Variants in VPS13B observed in about 807,000 individuals in gnomAD.
The protein encoded by VPS13B is intermembrane lipid transfer protein VPS13B.
VPS13B carries 285 observed loss-of-function variants against 426.4 expected under a neutral mutation model. That is an observed-to-expected ratio of 0.67 (90% CI 0.61 to 0.74). VPS13B has a LOEUF of 0.74. Among genes scored for constraint, VPS13B ranks in the 30% least tolerant of loss-of-function variants. The probability of loss-of-function intolerance (pLI) is 0.00; values close to 1 mark genes in which losing one functional copy is unlikely to be tolerated. For missense variants in VPS13B, 4,537 were observed against 4,782.6 expected, an observed-to-expected ratio of 0.95 and a Z score of 1.51; for synonymous variants, 1,676 against 1,676.4, an observed-to-expected ratio of 1.00 and a Z score of 0.01.
At chr8:99,809,305 G>A (rs2130785360) in intron 43 of VPS13B, 70 bp from the exon 44 acceptor site, 15 of 1,596,112 alleles carry the variant, frequency 9.4e-6, no homozygotes, top group Non-Finnish European at 1.3e-5. Context: ...CCAGCAATGA[G>A]ACTTTCATTT....
At chr8:99,595,643 G>T (rs1826970463) in intron 33 of VPS13B, among the ~76,000 whole-genome samples, 1 of 151,810 alleles carries the variant, frequency 6.6e-6, no homozygotes, top group Admixed American at 6.6e-5. Flanking sequence ...AAACCCTGAA[G>T]CTTTTATGCT....
intron 33 of VPS13B, among the ~76,000 whole-genome samples, chr8:99,602,404 TGTA>T (rs1200071619): frequency 6.6e-6 from 1 of 152,192 alleles, no homozygotes; most frequent in Non-Finnish European, 1.5e-5. Context: ...ACTGTAGCCT[TGTA>T]GTACAGTTTG....
In VPS13B at chr8:99,699,611, A is replaced by T. The variant is rs1486090891; in HGVS notation, c.6133A>T (p.Ile2045Leu). 6.2e-7 allele frequency: 1 copy of T among 1,614,032 alleles called. No individual in the cohort carries two copies. Among genetic ancestry groups the T allele is most frequent in the Non-Finnish European group, 8.5e-7 (1 of 1,180,016 alleles). The change falls in exon 36 of 62, where the codon ATA becomes TTA. Residue 2045 changes from isoleucine (I) to leucine (L), a missense_variant. Ile to Leu is a conservative substitution (Grantham distance 5). This residue lies in a region of VPS13B where 4,311 missense variants were observed against 4,474.3 expected (regional missense o/e 0.96). Coordinates refer to ENST00000357162, the MANE Select transcript of VPS13B (RefSeq NM_152564.5). Reference protein sequence around the residue: ...LDQINLFLKKIKNAHSLAHSE... With the variant: ...LDQINLFLKKLKNAHSLAHSE... ...TCAGATAAACCTTTTTTTAAAGAAG[A>T]TAAAAAATGCACACAGTTTGGCACA...
chr8:99,340,930 G>A (rs1311164936), intron 19 of VPS13B: 1 of 285,266 alleles, frequency 3.5e-6, no homozygotes, highest in Admixed American at 3.9e-5. Flanking sequence ...TTCAACAAAG[G>A]TGGGCTGGGA....
chr8:99,018,529 A>G (rs1334002252), intron 2 of VPS13B, among the ~76,000 whole-genome samples: 4 of 152,212 alleles, frequency 2.6e-5, no homozygotes, highest in African/African-American at 9.6e-5. Flanking sequence ...TCCATGTTCA[A>G]TCATGTCACC....
At chr8:99,656,759 G>A (rs1210263877) in intron 34 of VPS13B, among the ~76,000 whole-genome samples, 1 of 152,108 alleles carries the variant, frequency 6.6e-6, no homozygotes, top group Non-Finnish European at 1.5e-5. Context: ...TGAGCTGGCT[G>A]CACTGACTCA....
chr8:99,453,967 G>T (rs1038660609), intron 23 of VPS13B, among the ~76,000 whole-genome samples: 2 of 152,050 alleles, frequency 1.3e-5, no homozygotes, highest in Admixed American at 6.6e-5. Flanking sequence ...ATCTGTCATC[G>T]TAGTATCATG....
chr8:99,443,499 G>C (rs576377461), intron 23 of VPS13B, among the ~76,000 whole-genome samples: 1 of 152,176 alleles, frequency 6.6e-6, no homozygotes, highest in South Asian at 2.1e-4. Flanking sequence ...ATTTCACTGA[G>C]AGACATTTTT....
chr8:99,740,067 A>G (rs1255622611), intron 39 of VPS13B, among the ~76,000 whole-genome samples: 1 of 152,118 alleles, frequency 6.6e-6, no homozygotes, highest in Admixed American at 6.5e-5. Flanking sequence ...GAAGCTAAAA[A>G]CCTTGCAAAA....
At chr8:99,451,598 A>G (rs917402192) in intron 23 of VPS13B, among the ~76,000 whole-genome samples, 3 of 152,182 alleles carry the variant, frequency 2.0e-5, no homozygotes, top group Admixed American at 1.3e-4. Context: ...ATGGTTCTCA[A>G]CATCCATGTA....
chr8:99,093,693 T>C (rs893021002), intron 3 of VPS13B, among the ~76,000 whole-genome samples: 5 of 152,126 alleles, frequency 3.3e-5, no homozygotes, highest in African/African-American at 9.7e-5. Context: ...TCCATGTCCC[T>C]ACAAAGGACA....
At chr8:99,125,537 A>G (rs2132529591) in intron 8 of VPS13B, among the ~76,000 whole-genome samples, 1 of 152,312 alleles carries the variant, frequency 6.6e-6, no homozygotes, top group South Asian at 2.1e-4. Flanking sequence ...AATCAAGTTG[A>G]CAGTCAGTAT....
chr8:99,364,227 T>C (rs1812713979), intron 19 of VPS13B, among the ~76,000 whole-genome samples: 2 of 152,222 alleles, frequency 1.3e-5, no homozygotes, highest in Admixed American at 6.5e-5. Context: ...GATCATATGG[T>C]TTTCTCCTTA....
rs2133440599 is a variant in VPS13B, at chr8:99,442,443, C to T, written c.3253C>T (p.Leu1085=). Residue 1085 remains leucine, a synonymous_variant, in exon 23 of 62, where the codon CTG becomes TTG. Transcript: ENST00000357162. ...SCCVFIPNDS[L]PSPSTIVSGD... is the part of the protein sequence containing the mutation. ...TTGTGTGTTTATTCCAAATGATAGC[C>T]TGCCTTCCCCAAGTACAATTGTATC... is the stretch of plus-strand genomic sequence containing the variant. 2 of 1,613,874 alleles carry T rather than the reference C, an allele frequency of 1.2e-6. No individual in the cohort carries two copies. Among genetic ancestry groups the T allele is most frequent in the Non-Finnish European group, 8.5e-7 (1 of 1,179,870 alleles).
chr8:99,389,481 CT>C (rs1176235005), intron 20 of VPS13B: 1 of 151,916 alleles, frequency 6.6e-6, no homozygotes, highest in Non-Finnish European at 1.5e-5. Context: ...GATCAGAGAC[CT>C]TAATGATAAC....
chr8:99,683,545 T>C (rs1448912016), intron 35 of VPS13B, among the ~76,000 whole-genome samples: 4 of 152,210 alleles, frequency 2.6e-5, no homozygotes, highest in African/African-American at 9.6e-5. Context: ...CATTTTGTAG[T>C]TTTCAGCATA....
chr8:99,232,596 G>A (rs1816397438), intron 17 of VPS13B, among the ~76,000 whole-genome samples: 1 of 152,232 alleles, frequency 6.6e-6, no homozygotes, highest in African/African-American at 2.4e-5. Flanking sequence ...TATTACCGCT[G>A]CAGGCACCCT....
chr8:99,317,390 T>C (rs917768090), intron 19 of VPS13B, among the ~76,000 whole-genome samples: 10 of 152,176 alleles, frequency 6.6e-5, no homozygotes, highest in African/African-American at 2.4e-4. Flanking sequence ...ATTGAAAATC[T>C]TCTCTTCTAG....
intron 39 of VPS13B, among the ~76,000 whole-genome samples, chr8:99,747,598 C>G (rs1810159978): frequency 6.6e-6 from 1 of 151,884 alleles, no homozygotes; most frequent in Non-Finnish European, 1.5e-5. Context: ...AAATAAAAAC[C>G]TTTAAAATAT....
Sources: allele counts gnomAD v4.1 joint callset (sites outside exome capture counted in the v4.1 genomes callset), GRCh38; gene constraint gnomAD v4.1.1; regional missense constraint gnomAD v4.1.1; transcripts MANE v1.5; gene names NCBI Gene and HGNC (gene_info 2026-07-23, HGNC 2026-07-21).